Variants in ODF2 observed in about 807,000 individuals in gnomAD.
The protein encoded by ODF2 is outer dense fiber of sperm tails 2, also known as outer dense fiber protein 2.
ODF2 carries 47 observed loss-of-function variants against 110.2 expected under a neutral mutation model. The ratio of observed to expected loss-of-function variants is 0.43; its 90% CI spans 0.34 to 0.54. The LOEUF (loss-of-function observed/expected upper bound fraction) is 0.54, where lower values mean the gene tolerates loss of function less well. Among genes scored for constraint, ODF2 ranks in the 20% least tolerant of loss-of-function variants. The probability of loss-of-function intolerance (pLI) is 0.03; values close to 1 mark genes in which losing one functional copy is unlikely to be tolerated. For missense variants in ODF2, 812 were observed against 1,054.5 expected, an observed-to-expected ratio of 0.77 and a Z score of 3.19; for synonymous variants, 352 against 397.7, an observed-to-expected ratio of 0.89 and a Z score of 1.37.
At chr9:128,460,472 G>T in intron 3 of ODF2, 78 bp from the exon 3 acceptor site, 1 of 1,573,864 alleles carries the variant, frequency 6.4e-7, no homozygotes, top group South Asian at 1.2e-5. Flanking sequence ...GCCCCCAGAG[G>T]CTGTGAGCTC....
At chr9:128,455,692 A>G (rs1476992707), upstream of ODF2, among the ~76,000 whole-genome samples, 1 of 149,632 alleles carries the variant, frequency 6.7e-6, no homozygotes, top group African/African-American at 2.5e-5. Context: ...AGGCCGGGGA[A>G]TGCGCAGAAG....
chr9:128,456,377 G>T, intron 1 of ODF2, 122 bp downstream of exon 1: 1 of 1,427,754 alleles, frequency 7.0e-7, no homozygotes, highest in South Asian at 1.5e-5. Context: ...TCCCCGCCGC[G>T]TTGCGCTCGT....
At chr9:128,492,743 C>G (rs1487425959) in exon 16 of ODF2, 3 of 1,614,164 alleles carry the variant, frequency 1.9e-6, no homozygotes, top group Non-Finnish European at 2.5e-6. Flanking sequence ...AGCTGCCCAG[C>G]TAGAACGCTG....
intron 19 of ODF2, 138 bp downstream of exon 19, chr9:128,498,713 C>T (rs1450801002): frequency 9.3e-6 from 6 of 648,372 alleles, no homozygotes; most frequent in Non-Finnish European, 1.3e-5. Flanking sequence ...ACATTTTCAT[C>T]GTAGAGGGCT....
At chr9:128,479,614 T>C (rs1842038538) in intron 8 of ODF2, among the ~76,000 whole-genome samples, 1 of 150,756 alleles carries the variant, frequency 6.6e-6, no homozygotes, top group African/African-American at 2.5e-5. Flanking sequence ...ACCTGGCCAT[T>C]CCTCTTCTTG....
chr9:128,493,907 G>A (rs368614225), intron 16 of ODF2, among the ~76,000 whole-genome samples: 25 of 152,324 alleles, frequency 1.6e-4, no homozygotes, highest in African/African-American at 6.0e-4. Flanking sequence ...TGATTCTCCT[G>A]CCTCAGCGTC....
chr9:128,474,660 A>T (rs921941414), intron 8 of ODF2, among the ~76,000 whole-genome samples: 1 of 133,344 alleles, frequency 7.5e-6, no homozygotes, highest in African/African-American at 2.7e-5. Context: ...GACTCCATCT[A>T]AAAAAAAAAA....
intron 4 of ODF2, among the ~76,000 whole-genome samples, chr9:128,466,480 A>T (rs1351355353): frequency 1.5e-5 from 2 of 135,618 alleles, no homozygotes; most frequent in African/African-American, 5.5e-5. Flanking sequence ...AAAAAAAAAA[A>T]TGGAAAAGTG....
chr9:128,468,194 A>G (rs1395088062), intron 4 of ODF2, among the ~76,000 whole-genome samples: 1 of 152,138 alleles, frequency 6.6e-6, no homozygotes, highest in Non-Finnish European at 1.5e-5. Context: ...ATACCTTTTC[A>G]GCAGATTCAT....
intron 20 of ODF2, among the ~76,000 whole-genome samples, chr9:128,499,555 A>G (rs1387841510): frequency 6.6e-6 from 1 of 152,044 alleles, no homozygotes; most frequent in Non-Finnish European, 1.5e-5. Context: ...ATGGCCTCCC[A>G]AAGTGCTGGG....
At chr9:128,497,652 A>AG (rs1845899264) in intron 18 of ODF2, 1 of 151,050 alleles carries the variant, frequency 6.6e-6, no homozygotes, top group South Asian at 2.1e-4. Context: ...TCAAAAAAAA[A>AG]GAGGTGGGCA....
chr9:128,477,160 AG>A (rs1298083776), intron 8 of ODF2, among the ~76,000 whole-genome samples: 8 of 149,556 alleles, frequency 5.3e-5, no homozygotes, highest in African/African-American at 1.7e-4. Flanking sequence ...TGAACCCAGG[AG>A]GGGGGAAGTT....
Position 128,489,006 on chromosome 9 carries a change from CAAAAG to C in ODF2, c.1536+995_1536+999del, listed in dbSNP as rs775943996. 1.1e-4 allele frequency among the ~76,000 whole-genome samples: 17 copies of C among 152,166 alleles called. No homozygotes were observed. In the South Asian group the frequency reaches 1.9e-3, roughly 17 times the overall value. On this transcript the variant is annotated intron_variant, in intron 14 of 20. Transcript: ENST00000604420. Reference sequence around the variant, plus strand: ...TGGGCAACAGAGCGAAACTCCGTCTCAAAAGAAAAGAAAAGAAATGAGAATAAGGA... The same window carrying C: ...TGGGCAACAGAGCGAAACTCCGTCTCAAAAGAAAAGAAATGAGAATAAGGA...
rs1845332556 is a variant in ODF2, at chr9:128,494,968, C to T, written c.1911+300C>T. 1.4e-6 allele frequency: 1 copy of T among 714,456 alleles called. No individual in the cohort carries two copies. The highest frequency in any genetic ancestry group is 3.0e-5 in the East Asian group (1 of 33,896). The allele number at this position is 714,456 out of a possible 1,614,324, so 44.3% of individuals were successfully genotyped here. A position where few individuals can be genotyped will look rare whatever the true frequency, so the allele number is the denominator to read the frequency against. On this transcript the variant is annotated intron_variant, in intron 17 of 20. Coordinates refer to ENST00000604420, the Ensembl canonical transcript of ODF2. The surrounding 1 kb of genome is among the most constrained non-coding windows in gnomAD (Gnocchi z 4.6). ...TGTGCTCCGCAGCTGTCCTCAGCTCCACACCCACAGCTGGGAGATGCCAGC... is the reference window on the plus strand; with the variant it reads ...TGTGCTCCGCAGCTGTCCTCAGCTCTACACCCACAGCTGGGAGATGCCAGC...
intron 6 of ODF2, among the ~76,000 whole-genome samples, chr9:128,472,124 C>A (rs1305072094): frequency 6.6e-6 from 1 of 151,902 alleles, no homozygotes; most frequent in Admixed American, 6.6e-5. Flanking sequence ...ACTAAAAATA[C>A]AAAAATTAAG....
At chr9:128,499,085 A>G (rs557541868) in exon 20 of ODF2, 2 of 1,614,166 alleles carry the variant, frequency 1.2e-6, no homozygotes, top group African/African-American at 2.7e-5. Flanking sequence ...GCTGAGCAGA[A>G]CCAAAACGGA....
intron 4 of ODF2, among the ~76,000 whole-genome samples, chr9:128,467,269 G>A (rs939569583): frequency 3.3e-5 from 5 of 151,042 alleles, no homozygotes; most frequent in Admixed American, 1.3e-4. Context: ...TAACACAATG[G>A]TAAGTATTTG....
At chr9:128,467,428 A>G (rs982280500) in intron 4 of ODF2, among the ~76,000 whole-genome samples, 1 of 152,100 alleles carries the variant, frequency 6.6e-6, no homozygotes, top group Non-Finnish European at 1.5e-5. Context: ...TTAAGTATTA[A>G]AAGTAACTTC....
intron 1 of ODF2, chr9:128,456,470 C>G: frequency 6.6e-7 from 1 of 1,521,068 alleles, no homozygotes; most frequent in Non-Finnish European, 8.8e-7. Context: ...GGTCGGCCGC[C>G]TCCTTCCTCT....
Sources: gnomAD v4.1 joint callset for allele counts (sites outside exome capture counted in the v4.1 genomes callset) on GRCh38, gnomAD v4.1.1 for gene constraint, Gnocchi (gnomAD v3.1) non-coding constraint, MANE v1.5 for transcripts, NCBI Gene and HGNC (gene_info 2026-07-23, HGNC 2026-07-21) for gene names.